PFKFB3: variants seen among roughly 807,000 people sequenced by gnomAD.
The protein encoded by PFKFB3 is 6-phosphofructo-2-kinase/fructose-2,6-biphosphatase 3.
PFKFB3 carries 33 observed loss-of-function variants against 68.0 expected under a neutral mutation model. That is an observed-to-expected ratio of 0.49 (90% CI 0.37 to 0.65). PFKFB3 has a LOEUF of 0.65. PFKFB3 is among the 30% of genes least tolerant of loss of function. The pLI, the probability that PFKFB3 is intolerant of heterozygous loss-of-function variation, is 0.00. For missense variants in PFKFB3, 586 were observed against 712.2 expected, an observed-to-expected ratio of 0.82 and a Z score of 2.02; for synonymous variants, 315 against 288.2, an observed-to-expected ratio of 1.09 and a Z score of -0.94.
At position 6,221,527 on chromosome 10, in the gene PFKFB3, G is replaced by T; in HGVS notation, c.978G>T (p.Ala326=). ...EQWKALNEID[A]GVCEELTYEE... is the part of the protein sequence containing the mutation. ...GGAAGGCGCTCAATGAGATCGACGC[G>T]GTGAGTCCTGGGAGGCGGGCAGGCA... Residue 326 remains alanine, a splice_region_variant and synonymous_variant, in exon 9 of 15, where the codon GCG becomes GCT. Transcript: ENST00000379775. 1 of 1,613,130 alleles carries T rather than the reference G, an allele frequency of 6.2e-7. No homozygotes were observed. The highest frequency in any genetic ancestry group is 8.5e-7 in the Non-Finnish European group (1 of 1,179,968).
At chr10:6,200,031 CAAACCA>C (rs951840304), upstream of PFKFB3, among the ~76,000 whole-genome samples, 8 of 151,646 alleles carry the variant, frequency 5.3e-5, no homozygotes, top group Non-Finnish European at 7.4e-5. Context: ...AAAACAAAAA[CAAACCA>C]ACAAAACCAA....
chr10:6,235,536 A>AC (rs1201888935), downstream of PFKFB3: 4 of 152,278 alleles, frequency 2.6e-5, no homozygotes, highest in Non-Finnish European at 4.4e-5. Flanking sequence ...AAATACATGG[A>AC]CGAAGTAAAC....
intron 14 of PFKFB3, among the ~76,000 whole-genome samples, chr10:6,242,308 A>G (rs1846158201): frequency 6.6e-6 from 1 of 152,140 alleles, no homozygotes; most frequent in African/African-American, 2.4e-5. Context: ...AAGTCTCTGA[A>G]CTAAGTCTCT....
the PFKFB3 span, among the ~76,000 whole-genome samples, chr10:6,278,452 T>C: frequency 6.6e-6 from 1 of 151,938 alleles, no homozygotes; most frequent in Admixed American, 6.6e-5. Flanking sequence ...ATTTTTGTAA[T>C]TTTTAGTAGA....
intron 1 of PFKFB3, among the ~76,000 whole-genome samples, chr10:6,182,778 C>T (rs1028102224): frequency 5.9e-5 from 9 of 152,208 alleles, no homozygotes; most frequent in Non-Finnish European, 8.8e-5. Context: ...CTTAGCTGGG[C>T]GAAATCCAAA....
At chr10:6,303,920 C>T in the PFKFB3 span, among the ~76,000 whole-genome samples, 876 of 152,034 alleles carry the variant, frequency 5.8e-3, 12 homozygotes, top group African/African-American at 0.02. Context: ...GAAGCTTCTA[C>T]GACATGGATG....
the PFKFB3 span, among the ~76,000 whole-genome samples, chr10:6,283,810 T>G: frequency 6.6e-6 from 1 of 152,082 alleles, no homozygotes; most frequent in East Asian, 1.9e-4. Flanking sequence ...GGGACTGAAT[T>G]AAGGAGCGAA....
chr10:6,203,829 C>T lies in PFKFB3; in HGVS notation c.76+493C>T, dbSNP rs1482747013. Reference sequence around the variant, plus strand: ...AACCTATTTCTCTGTCCTGTTTTCTCTTTCGATATATATGTCTCTGTTTTT... The same window carrying T: ...AACCTATTTCTCTGTCCTGTTTTCTTTTTCGATATATATGTCTCTGTTTTT... On this transcript the variant is annotated intron_variant, in intron 1 of 14. Transcript: ENST00000379775. Among the ~76,000 whole-genome samples the T allele has an allele frequency of 5.3e-5, 8 of 152,350 alleles. No individual in the cohort carries two copies. In the Middle Eastern group the frequency reaches 0.014, roughly 259 times the overall value.
At chr10:6,217,454 G>C (rs1340257934) in intron 6 of PFKFB3, among the ~76,000 whole-genome samples, 1 of 152,244 alleles carries the variant, frequency 6.6e-6, no homozygotes, top group East Asian at 1.9e-4. Flanking sequence ...GATAGGATTA[G>C]TTTCTGTTGG....
chr10:6,275,425 C>T, the PFKFB3 span, among the ~76,000 whole-genome samples: 2 of 152,244 alleles, frequency 1.3e-5, no homozygotes, highest in African/African-American at 4.8e-5. The surrounding 1 kb of genome is among the most constrained non-coding windows in gnomAD (Gnocchi z 4.9). Context: ...CAGGAAGTAG[C>T]TGACACTGCA....
At chr10:6,146,435 CCT>C in intron 1 of PFKFB3, 1 of 1,535,616 alleles carries the variant, frequency 6.5e-7, no homozygotes, top group Non-Finnish European at 8.7e-7. Context: ...CTCTGCCACT[CCT>C]CTGTCAGCTG....
chr10:6,222,246 G>A (rs1405557361), intron 10 of PFKFB3, among the ~76,000 whole-genome samples: 1 of 152,196 alleles, frequency 6.6e-6, no homozygotes. Flanking sequence ...TACACACCGG[G>A]GCCCTGGTTA....
rs1188910362 is a variant in PFKFB3, at chr10:6,174,057, G to A, written c.16+29044G>A. Among the ~76,000 whole-genome samples the A allele has an allele frequency of 2.0e-5, 3 of 152,100 alleles. No homozygotes were observed. In the South Asian group the frequency reaches 6.2e-4, roughly 32 times the overall value. On this transcript the variant is annotated intron_variant, in intron 1 of 14. Coordinates refer to the PFKFB3 transcript ENST00000379789. ...GAGATTTGGGGATTGACCAGGTGTGGGGATTGGAGCGGCTTGAAGAGGCAA... is the reference window on the plus strand; with the variant it reads ...GAGATTTGGGGATTGACCAGGTGTGAGGATTGGAGCGGCTTGAAGAGGCAA...
At chr10:6,231,831 A>G (rs1313020372) in intron 14 of PFKFB3, among the ~76,000 whole-genome samples, 1 of 146,488 alleles carries the variant, frequency 6.8e-6, no homozygotes, top group East Asian at 2.0e-4. Context: ...GTGGGCACTC[A>G]TCACCTCCCG....
At chr10:6,211,145 C>T (rs1844207721) in intron 1 of PFKFB3, among the ~76,000 whole-genome samples, 1 of 152,202 alleles carries the variant, frequency 6.6e-6, no homozygotes, top group South Asian at 2.1e-4. Flanking sequence ...AAGGGACTGG[C>T]AGTTTATTTG....
At chr10:6,167,203 G>T (rs1173931848) in intron 1 of PFKFB3, among the ~76,000 whole-genome samples, 1 of 152,218 alleles carries the variant, frequency 6.6e-6, no homozygotes, top group African/African-American at 2.4e-5. Flanking sequence ...ACTCACACAG[G>T]AAGAGCTGAG....
Position 6,164,566 on chromosome 10 carries a change from G to A in PFKFB3, c.16+19553G>A, listed in dbSNP as rs566631789. ...ACTGAGAAAAGAAATAAGACACAAA[G>A]TATAAAGAACAGTGGGCCCAGGGGA... On this transcript the variant is annotated intron_variant, in intron 1 of 14. Coordinates refer to the PFKFB3 transcript ENST00000379789. 5.5e-4 allele frequency among the ~76,000 whole-genome samples: 84 copies of A among 152,274 alleles called. 1 individual carries two copies. Among genetic ancestry groups the A allele is most frequent in the African/African-American group, 1.8e-3 (76 of 41,560 alleles).
chr10:6,186,089 G>A (rs552017804), intron 1 of PFKFB3, among the ~76,000 whole-genome samples: 1 of 152,234 alleles, frequency 6.6e-6, no homozygotes, highest in South Asian at 2.1e-4. Context: ...AAGGTGATTG[G>A]TGGTGTTTTC....
chr10:6,220,994 T>C lies in PFKFB3; in HGVS notation c.831+129T>C, dbSNP rs1278510252. 2 of 891,402 alleles carry C rather than the reference T, an allele frequency of 2.2e-6. No individual in the cohort carries two copies. The highest frequency in any genetic ancestry group is 1.4e-5 in the South Asian group (1 of 72,366). The allele number at this position is 891,402 out of a possible 1,614,324, so 55.2% of individuals were successfully genotyped here. On this transcript the variant is annotated intron_variant, in intron 8 of 14. Coordinates refer to ENST00000379775, the MANE Select transcript of PFKFB3 (RefSeq NM_004566.4). This position sits in a 1 kb window ranked among gnomAD's most constrained non-coding sequence, Gnocchi z 4.1. ...CTTGGTGTGCTTGCTGTGTGTGTTA[T>C]CTGTGTGTGCGCCTGCACGTCTCTA...
Sources: gnomAD v4.1 joint callset for allele counts (sites outside exome capture counted in the v4.1 genomes callset) on GRCh38, gnomAD v4.1.1 for gene constraint, Gnocchi (gnomAD v3.1) non-coding constraint, MANE v1.5 for transcripts, NCBI Gene and HGNC (gene_info 2026-07-23, HGNC 2026-07-21) for gene names.